OPCML: variants seen among roughly 807,000 people sequenced by gnomAD.
The protein encoded by OPCML is opioid-binding protein/cell adhesion molecule.
A neutral mutation model predicts 37.8 loss-of-function variants in OPCML; 13 were observed. The observed-to-expected ratio is 0.34, with a 90% CI of 0.22 to 0.55. The LOEUF (loss-of-function observed/expected upper bound fraction) is 0.55. Among genes scored for constraint, OPCML ranks in the 20% least tolerant of loss-of-function variants. OPCML has a pLI of 0.91. For synonymous variants in OPCML, 176 were observed against 168.8 expected, an observed-to-expected ratio of 1.04 and a Z score of -0.33; for missense variants, 341 against 435.6, an observed-to-expected ratio of 0.78 and a Z score of 1.93.
At chr11:133,472,147 A>G (rs1252320130) in intron 1 of OPCML, among the ~76,000 whole-genome samples, 2 of 152,138 alleles carry the variant, frequency 1.3e-5, no homozygotes. Flanking sequence ...TCAGAGATGA[A>G]GCTCTTTTAG....
Position 132,420,080 on chromosome 11 carries a change from T to C in OPCML, c.*113A>G. 1 of 667,396 alleles carries C rather than the reference T, an allele frequency of 1.5e-6. No individual in the cohort carries two copies. Among genetic ancestry groups the C allele is most frequent in the African/African-American group, 1.9e-5 (1 of 51,702 alleles). The allele number at this position is 667,396 out of a possible 1,614,324, so 41.3% of individuals were successfully genotyped here. On this transcript the variant is annotated 3_prime_UTR_variant, in exon 8 of 8. Coordinates refer to ENST00000524381, the MANE Select transcript of OPCML (RefSeq NM_001012393.5). Reference sequence around the variant, plus strand: ...AACAAAAACAAAAAGAAAACAAATCTAGAATAACAGAAAAAAACAAAAAGA... The same window carrying C: ...AACAAAAACAAAAAGAAAACAAATCCAGAATAACAGAAAAAAACAAAAAGA...
chr11:133,316,197 G>C (rs1483275143), intron 1 of OPCML, among the ~76,000 whole-genome samples: 1 of 152,182 alleles, frequency 6.6e-6, no homozygotes, highest in African/African-American at 2.4e-5. Flanking sequence ...TGTATGCTCA[G>C]ATAGGAACAA....
At chr11:132,729,278 T>C (rs1221367952) in intron 2 of OPCML, among the ~76,000 whole-genome samples, 1 of 152,188 alleles carries the variant, frequency 6.6e-6, no homozygotes, top group African/African-American at 2.4e-5. Flanking sequence ...CCAGGCAGCT[T>C]TTTTTAAAGC....
intron 1 of OPCML, among the ~76,000 whole-genome samples, chr11:133,288,238 G>T (rs1008688165): frequency 2.6e-5 from 4 of 152,204 alleles, no homozygotes; most frequent in Admixed American, 2.0e-4. Context: ...CAGGCATCAA[G>T]CCTACCTCCT....
intron 1 of OPCML, among the ~76,000 whole-genome samples, chr11:133,376,321 A>C (rs1197928614): frequency 6.6e-6 from 1 of 152,236 alleles, no homozygotes; most frequent in Non-Finnish European, 1.5e-5. Context: ...AATTTACACA[A>C]ACATGATAGC....
chr11:132,730,793 C>T (rs1945049861), intron 2 of OPCML, among the ~76,000 whole-genome samples: 1 of 151,548 alleles, frequency 6.6e-6, no homozygotes, highest in African/African-American at 2.4e-5. Context: ...AGTTGGCCAC[C>T]AAGAAGATTA....
At chr11:132,484,803 T>C (rs943135127) in intron 4 of OPCML, among the ~76,000 whole-genome samples, 13 of 152,134 alleles carry the variant, frequency 8.5e-5, no homozygotes, top group African/African-American at 2.7e-4. Flanking sequence ...TCATTCTCAG[T>C]AAACTATCGC....
At position 132,828,113 on chromosome 11, in the gene OPCML, C is replaced by T. The variant is rs890580963; in HGVS notation, c.146+114813G>A. Among the ~76,000 whole-genome samples, 13 of 152,220 alleles carry T rather than the reference C, an allele frequency of 8.5e-5. No individual in the cohort carries two copies. The South Asian group carries it at 1.2e-3, about 15-fold the overall frequency. On this transcript the variant is annotated intron_variant, in intron 2 of 7. Transcript: ENST00000524381. ...AAAGGACATGGAGAAAAAATAAATG[C>T]ATGTCGCTAAGTGGAAAAGGCCATG...
At position 133,393,875 on chromosome 11, in the gene OPCML, G is replaced by A. The variant is rs767653220; in HGVS notation, c.61+138389C>T. Among the ~76,000 whole-genome samples the A allele has an allele frequency of 2.0e-5, 3 of 152,214 alleles. No homozygotes were observed. In the East Asian group the frequency reaches 5.8e-4, roughly 29 times the overall value. ...GTCCTCTTGCCTGACACCTGGCTCAGGAGTCTTGAAGGACTTGGATCACCT... is the reference window on the plus strand; with the variant it reads ...GTCCTCTTGCCTGACACCTGGCTCAAGAGTCTTGAAGGACTTGGATCACCT... On this transcript the variant is annotated intron_variant, in intron 1 of 7. Transcript: ENST00000524381.
chr11:133,087,571 A>C (rs1948835900), intron 1 of OPCML, among the ~76,000 whole-genome samples: 2 of 152,256 alleles, frequency 1.3e-5, no homozygotes, highest in African/African-American at 4.8e-5. Context: ...ACATCAATTT[A>C]ACCTGCTCTG....
rs187820881 is a variant in OPCML, at chr11:132,443,178, G to C, written c.506-5819C>G. Among the ~76,000 whole-genome samples the C allele has an allele frequency of 1.2e-3, 189 of 152,312 alleles. 1 individual carries two copies. Among genetic ancestry groups the C allele is most frequent in the African/African-American group, 4.2e-3 (174 of 41,568 alleles). Reference sequence around the variant, plus strand: ...ACCAGACCAGCCAGGAGGTAACACAGAGAGCAACATTTCTGGGGGCTTGTG... The same window carrying C: ...ACCAGACCAGCCAGGAGGTAACACACAGAGCAACATTTCTGGGGGCTTGTG... On this transcript the variant is annotated intron_variant, in intron 4 of 7. Transcript: ENST00000524381.
chr11:132,710,778 A>T lies in OPCML; in HGVS notation c.147-53459T>A, dbSNP rs139869812. Among the ~76,000 whole-genome samples the T allele has an allele frequency of 3.6e-3, 541 of 151,974 alleles. 7 individuals are homozygous for T. Among genetic ancestry groups the T allele is most frequent in the African/African-American group, 0.013 (525 of 41,466 alleles). On this transcript the variant is annotated intron_variant, in intron 2 of 7. Transcript: ENST00000524381. ...GCTGAGGTAGGAAAATTGCTTGAAC[A>T]TGGGAGGTGGAGGTTGCGGTGAGCT...
At chr11:133,361,212 G>A (rs1944406265) in intron 1 of OPCML, 1 of 152,336 alleles carries the variant, frequency 6.6e-6, no homozygotes. Context: ...AAAGTGCGGG[G>A]AATTTCCAGA....
chr11:132,962,153 TC>T lies in OPCML; in HGVS notation c.62-19144del, dbSNP rs1365035599. Reference sequence around the variant, plus strand: ...GAGTGTGACACTTTTCCGTAGGAGGTCCATTTTCATCCTGGCGTTTGTTTTA... The same window carrying T: ...GAGTGTGACACTTTTCCGTAGGAGGTCATTTTCATCCTGGCGTTTGTTTTA... On this transcript the variant is annotated intron_variant, in intron 1 of 7. Transcript: ENST00000524381. 2.0e-5 allele frequency among the ~76,000 whole-genome samples: 3 copies of T among 152,308 alleles called. No homozygotes were observed. The South Asian group carries it at 6.2e-4, about 32-fold the overall frequency.
At chr11:133,054,923 A>T (rs1267171934) in intron 1 of OPCML, among the ~76,000 whole-genome samples, 2 of 150,734 alleles carry the variant, frequency 1.3e-5, no homozygotes, top group Non-Finnish European at 2.9e-5. Context: ...CCTCTACCAT[A>T]TAATGCTGCC....
chr11:132,709,733 A>G (rs1944181793), intron 2 of OPCML, among the ~76,000 whole-genome samples: 1 of 152,146 alleles, frequency 6.6e-6, no homozygotes, highest in African/African-American at 2.4e-5. Flanking sequence ...CCCGCACTCA[A>G]AGGGAGGGAG....
intron 4 of OPCML, among the ~76,000 whole-genome samples, chr11:132,520,361 C>G (rs2096289795): frequency 6.6e-6 from 1 of 152,124 alleles, no homozygotes. Flanking sequence ...ATTACTTAAC[C>G]TTTCCATCTG....
intron 1 of OPCML, among the ~76,000 whole-genome samples, chr11:133,140,769 A>AGAAGAAGACGAC (rs1949774970): frequency 7.6e-6 from 1 of 131,736 alleles, no homozygotes; most frequent in African/African-American, 3.3e-5. Flanking sequence ...ACGACGAAGA[A>AGAAGAAGACGAC]GAAGAAGAAG....
intron 1 of OPCML, among the ~76,000 whole-genome samples, chr11:133,265,673 T>G (rs1204266407): frequency 6.6e-6 from 1 of 152,150 alleles, no homozygotes; most frequent in Non-Finnish European, 1.5e-5. Flanking sequence ...TCAGCATCCC[T>G]CCTCCCGTCT....
Sources: gnomAD v4.1 joint callset for allele counts (sites outside exome capture counted in the v4.1 genomes callset) on GRCh38, gnomAD v4.1.1 for gene constraint, MANE v1.5 for transcripts, NCBI Gene and HGNC (gene_info 2026-07-23, HGNC 2026-07-21) for gene names.